The following GABARAP variants were observed in gnomAD, a reference collection of about 807,000 sequenced individuals.
GABARAP encodes gamma-aminobutyric acid receptor-associated protein.
In GABARAP, 5 loss-of-function variants were observed where a neutral mutation model predicts 16.7. The observed-to-expected ratio is 0.30, with a 90% CI of 0.16 to 0.63. The LOEUF is 0.63. Ranked by LOEUF, GABARAP falls within the 20% of genes least tolerant of loss-of-function variation. The pLI is 0.82. For synonymous variants in GABARAP, 45 were observed against 52.7 expected, an observed-to-expected ratio of 0.85 and a Z score of 0.64; for missense variants, 84 against 146.6, an observed-to-expected ratio of 0.57 and a Z score of 2.21.
intron 3 of GABARAP, among the ~76,000 whole-genome samples, 195 bp from the exon 4 acceptor site, chr17:7,241,114 G>A (rs991744374): frequency 1.3e-5 from 2 of 152,150 alleles, no homozygotes; most frequent in Non-Finnish European, 2.9e-5. Context: ...CTTTGGAATG[G>A]GGAGGGGGAC....
rs760110442 is a variant in GABARAP at position 7,241,327 on chromosome 17, TC to T, written c.288+14del. On this transcript the variant is annotated intron_variant, in intron 3 of 3. Transcript: ENST00000302386. ...ATTCCTCTCCAAAGCCTCCACCACT[TC>T]CCAGTCACCATACCTGGTACAGCTG... The T allele has an allele frequency of 8.6e-6, 10 of 1,162,450 alleles. No homozygotes were observed. In the African/African-American group the frequency reaches 1.4e-4, roughly 16 times the overall value. The allele number at this position is 1,162,450 out of a possible 1,614,324, so 72.0% of individuals were successfully genotyped here.
At chr17:7,241,962 C>T (rs7216047) in intron 1 of GABARAP, 1 of 595,874 alleles carries the variant, frequency 1.7e-6, no homozygotes, top group Admixed American at 3.0e-5. Context: ...ATCTCGCAAC[C>T]TTAGCTAGCT....
intron 1 of GABARAP, chr17:7,241,971 C>G: frequency 1.7e-6 from 1 of 595,650 alleles, no homozygotes; most frequent in East Asian, 2.8e-5. Context: ...CCTTAGCTAG[C>G]TGGGGGGATG....
At chr17:7,241,492 A>G (rs1023701589) in intron 2 of GABARAP, 32 bp from the exon 3 acceptor site, 1 of 1,375,952 alleles carries the variant, frequency 7.3e-7, no homozygotes, top group Non-Finnish European at 1.0e-6. Context: ...AGAAAGTCAC[A>G]GAGGTCAAAA....
At chr17:7,242,093 C>T in intron 1 of GABARAP, 148 bp downstream of exon 1, 1 of 640,412 alleles carries the variant, frequency 1.6e-6, no homozygotes, top group Middle Eastern at 2.8e-4. Context: ...CTCCTTTCAT[C>T]CTGGGTCCCA....
chr17:7,240,443 T>C lies in GABARAP; in HGVS notation c.*411A>G. ...GTTCAGCTTGGTGGTTTCCTCTTTA[T>C]TGATGTGCCTCCTACCTTCCCCCCA... On this transcript the variant is annotated 3_prime_UTR_variant, in exon 4 of 4. Coordinates refer to ENST00000302386, the MANE Select transcript of GABARAP (RefSeq NM_007278.2). The C allele has an allele frequency of 5.8e-6, 1 of 171,342 alleles. No homozygotes were observed. The highest frequency in any genetic ancestry group is 5.9e-5 in the Admixed American group (1 of 16,814). 10.6% of individuals were successfully genotyped at this position (171,342 alleles called of 1,614,324 possible).
Position 7,242,266 on chromosome 17 carries a change from C to T in GABARAP, c.65G>A (p.Arg22Gln). The change falls in exon 1 of 4, where the codon CGA becomes CAA. Residue 22 changes from arginine (R) to glutamine (Q), a missense_variant. Coordinates refer to ENST00000302386, the MANE Select transcript of GABARAP (RefSeq NM_007278.2). ...EKRRSEGEKI[R>Q]KKYPDRVPVI... is the part of the protein sequence containing the mutation. ...CGGCACCCGGTCCGGGTATTTCTTT[C>T]GGATCTTCTCGCCCTCAGAGCGGCG... 6.2e-7 allele frequency: 1 copy of T among 1,613,704 alleles called. No individual in the cohort carries two copies. Among genetic ancestry groups the T allele is most frequent in the Non-Finnish European group, 8.5e-7 (1 of 1,179,786 alleles).
intron 3 of GABARAP, 78 bp downstream of exon 3, chr17:7,241,264 G>T: frequency 1.2e-6 from 1 of 817,082 alleles, no homozygotes; most frequent in Non-Finnish European, 2.2e-6. Context: ...CAAAACTACT[G>T]ATGTAACAAC....
Position 7,240,848 on chromosome 17 carries a change from G to T in GABARAP, c.*6C>A. The stretch of plus-strand genomic sequence containing the variant: ...GAGACCCCCCTCCAGCTCAGGGGCA[G>T]CAGCTTCACAGACCGTAGACACTTT... On this transcript the variant is annotated 3_prime_UTR_variant, in exon 4 of 4. Coordinates refer to ENST00000302386, the MANE Select transcript of GABARAP (RefSeq NM_007278.2). The T allele has an allele frequency of 6.2e-7, 1 of 1,602,152 alleles. No individual in the cohort carries two copies. Among genetic ancestry groups the T allele is most frequent in the Non-Finnish European group, 8.6e-7 (1 of 1,169,348 alleles).
At position 7,240,870 on chromosome 17, in the gene GABARAP, C is replaced by G. The variant is rs1309648983; in HGVS notation, c.338G>C (p.Ser113Thr). Reference sequence around the variant, plus strand: ...GCAGCAGCTTCACAGACCGTAGACACTTTCGTCACTGTAGGCAATGTAGAG... The same window carrying G: ...GCAGCAGCTTCACAGACCGTAGACAGTTTCGTCACTGTAGGCAATGTAGAG... Reference protein sequence around the residue: ...FFLYIAYSDESVYGL With the variant: ...FFLYIAYSDETVYGL The change falls in exon 4 of 4, where the codon AGT (serine) becomes ACT (threonine). Residue 113 changes from serine (S) to threonine (T), a missense_variant. Physicochemically the swap from Ser to Thr is moderately conservative, Grantham distance 58 (BLOSUM62 1). Coordinates refer to ENST00000302386, the MANE Select transcript of GABARAP (RefSeq NM_007278.2). The G allele has an allele frequency of 6.2e-7, 1 of 1,612,228 alleles. No individual in the cohort carries two copies. The highest frequency in any genetic ancestry group is 8.5e-7 in the Non-Finnish European group (1 of 1,178,486).
At position 7,242,279 on chromosome 17, in the gene GABARAP, C is replaced by T. The variant is rs2071785810; in HGVS notation, c.52G>A (p.Gly18Ser). 1.2e-6 allele frequency: 2 copies of T among 1,613,862 alleles called. No homozygotes were observed. Residue 18 changes from glycine (G) to serine (S), a missense_variant, in exon 1 of 4, where the codon GGC (glycine) becomes AGC (serine). Gly to Ser is a moderately conservative substitution (Grantham distance 56, BLOSUM62 0). Transcript: ENST00000302386. ...EHPFEKRRSE[G>S]EKIRKKYPDR... ...GGGTATTTCTTTCGGATCTTCTCGC[C>T]CTCAGAGCGGCGCTTCTCGAACGGA...
intron 2 of GABARAP, 57 bp from the exon 3 acceptor site, chr17:7,241,517 A>C: frequency 7.5e-7 from 1 of 1,330,584 alleles, no homozygotes; most frequent in Non-Finnish European, 1.1e-6. Flanking sequence ...CCTCAAAAGA[A>C]CAGCTGCTAG....
chr17:7,241,750 A>C, intron 1 of GABARAP, 71 bp from the exon 2 acceptor site: 1 of 933,418 alleles, frequency 1.1e-6, no homozygotes, highest in South Asian at 1.3e-5. Flanking sequence ...AGAACTCAAG[A>C]AACAATATTC....
rs771763296 is a variant in GABARAP, at chr17:7,242,307, C to T, written c.24G>A (p.Glu8=). MKFVYKE[E]HPFEKRRSEG... is the part of the protein sequence containing the mutation. ...CAGAGCGGCGCTTCTCGAACGGATG[C>T]TCTTCTTTGTACACGAACTTCATCC... Residue 8 remains glutamate (E), a synonymous_variant, in exon 1 of 4, where the codon GAG becomes GAA. Transcript: ENST00000302386. The T allele has an allele frequency of 5.0e-6, 8 of 1,613,618 alleles. No homozygotes were observed. In the African/African-American group the frequency reaches 8.0e-5, roughly 16 times the overall value.
Position 7,242,262 on chromosome 17 carries a change from C to G in GABARAP, c.69G>C (p.Lys23Asn). ...TCACCGGCACCCGGTCCGGGTATTT[C>G]TTTCGGATCTTCTCGCCCTCAGAGC... ...KRRSEGEKIR[K>N]KYPDRVPVIV... The change falls in exon 1 of 4, where the codon AAG (lysine) becomes AAC (asparagine). Residue 23 changes from lysine (K) to asparagine (N), a missense_variant. Lys to Asn is a moderately conservative substitution (Grantham distance 94, BLOSUM62 0). Coordinates refer to ENST00000302386, the MANE Select transcript of GABARAP (RefSeq NM_007278.2). 1.2e-6 allele frequency: 2 copies of G among 1,613,684 alleles called. No homozygotes were observed. Among genetic ancestry groups the G allele is most frequent in the Non-Finnish European group, 1.7e-6 (2 of 1,179,764 alleles).
At chr17:7,241,268 TAAC>T in intron 3 of GABARAP, 71 bp downstream of exon 3, 3 of 828,310 alleles carry the variant, frequency 3.6e-6, no homozygotes, top group Non-Finnish European at 4.3e-6. Context: ...ACTACTGATG[TAAC>T]AACACTTTCT....
rs774012076 is a variant in GABARAP, at chr17:7,241,323, C to T, written c.288+19G>A. 1.0e-5 allele frequency: 11 copies of T among 1,103,490 alleles called. No individual in the cohort carries two copies. Among genetic ancestry groups the T allele is most frequent in the Non-Finnish European group, 1.4e-5 (10 of 714,638 alleles). The allele number at this position is 1,103,490 out of a possible 1,614,324, so 68.4% of individuals were successfully genotyped here. On this transcript the variant is annotated intron_variant, in intron 3 of 3. Transcript: ENST00000302386. ...CAAGATTCCTCTCCAAAGCCTCCAC[C>T]ACTTCCCAGTCACCATACCTGGTAC...
intron 2 of GABARAP, 37 bp from the exon 3 acceptor site, chr17:7,241,497 T>C (rs898671714): frequency 6.7e-6 from 9 of 1,353,064 alleles, no homozygotes; most frequent in Non-Finnish European, 8.5e-6. Flanking sequence ...GTCACAGAGG[T>C]CAAAAATGCC....
At position 7,242,388 on chromosome 17, in the gene GABARAP, G is replaced by T. The variant is rs147634798; in HGVS notation, c.-58C>A. 2.0e-3 allele frequency: 2,600 copies of T among 1,316,062 alleles called. 45 individuals carry two copies. In the African/African-American group the frequency reaches 0.033, roughly 17 times the overall value. The allele number at this position is 1,316,062 out of a possible 1,614,324, so 81.5% of individuals were successfully genotyped here. On this transcript the variant is annotated 5_prime_UTR_variant, in exon 1 of 4. Coordinates refer to ENST00000302386, the MANE Select transcript of GABARAP (RefSeq NM_007278.2). Reference sequence around the variant, plus strand: ...TGAGGGAACCCAGGGGGGCCGGGACGGGGGGCGGCGACGACGGCGGCGACG... The same window carrying T: ...TGAGGGAACCCAGGGGGGCCGGGACTGGGGGCGGCGACGACGGCGGCGACG...
Sources: gnomAD v4.1 joint callset for allele counts (sites outside exome capture counted in the v4.1 genomes callset) on GRCh38, gnomAD v4.1.1 for gene constraint, MANE v1.5 for transcripts, NCBI Gene and HGNC (gene_info 2026-07-23, HGNC 2026-07-21) for gene names.